Variants in PSMA1 observed in about 807,000 individuals in gnomAD.
The protein encoded by PSMA1 is proteasome 20S subunit alpha 1.
Under a neutral mutation model 38.4 loss-of-function variants are expected in PSMA1, and 3 were observed. That is an observed-to-expected ratio of 0.08 (90% CI 0.04 to 0.20). The LOEUF (loss-of-function observed/expected upper bound fraction) is 0.20. Ranked by LOEUF, PSMA1 falls within the 10% of genes least tolerant of loss-of-function variation. The pLI is 1.00. For missense variants in PSMA1, 227 were observed against 325.3 expected (o/e 0.70, Z 2.32); for synonymous variants, 101 against 107.1 (o/e 0.94, Z 0.35).
At chr11:14,532,905 T>TAAAAAAAAAAAA (rs1045512634) in intron 2 of PSMA1, among the ~76,000 whole-genome samples, 2 of 150,524 alleles carry the variant, frequency 1.3e-5, no homozygotes, top group African/African-American at 5.0e-5. Context: ...AAAAAAAATT[T>TAAAAAAAAAAAA]AAAAAAAATC....
intron 2 of PSMA1, among the ~76,000 whole-genome samples, chr11:14,565,212 A>C (rs1852055515): frequency 1.3e-5 from 2 of 152,162 alleles, no homozygotes; most frequent in Admixed American, 6.5e-5. Context: ...ATTATCCTTT[A>C]GATGTCTGCA....
intron 1 of PSMA1, among the ~76,000 whole-genome samples, chr11:14,635,511 T>G (rs1853103467): frequency 6.6e-6 from 1 of 152,220 alleles, no homozygotes; most frequent in Non-Finnish European, 1.5e-5. Flanking sequence ...AAAATACTCT[T>G]GCTTTTGCCT....
chr11:14,519,097 C>G, intron 1 of PSMA1, 56 bp from the exon 2 acceptor site: 2 of 1,345,456 alleles, frequency 1.5e-6, no homozygotes, highest in East Asian at 2.3e-5. Context: ...AATCCCAACT[C>G]TTAACATTCA....
In PSMA1 at chr11:14,600,230, C is replaced by T. The variant is rs529944664; in HGVS notation, c.21+10736G>A. ...GATCCACTTGAGGAGGCAGTCTGTCCGTTCTCAGAGCTCAAACGCTATGCT... is the reference window on the plus strand; with the variant it reads ...GATCCACTTGAGGAGGCAGTCTGTCTGTTCTCAGAGCTCAAACGCTATGCT... On this transcript the variant is annotated intron_variant, in intron 2 of 10. Coordinates refer to the PSMA1 transcript ENST00000418988. Among the ~76,000 whole-genome samples, 37 of 152,254 alleles carry T rather than the reference C, an allele frequency of 2.4e-4. No individual in the cohort carries two copies. In the South Asian group the frequency reaches 6.2e-3, roughly 26 times the overall value.
intron 1 of PSMA1, among the ~76,000 whole-genome samples, chr11:14,617,709 G>C (rs896621890): frequency 6.6e-6 from 1 of 151,180 alleles, no homozygotes; most frequent in Non-Finnish European, 1.5e-5. Context: ...GTGTGTGTGT[G>C]TGTGTGTGTG....
Position 14,527,998 on chromosome 11 carries a change from C to T in PSMA1, c.22-8957G>A, listed in dbSNP as rs180691922. ...CAGCTATCTCCACCACACTATCAAT[C>T]TCAGTCACTCCCTCCTAGCTGTTTC... On this transcript the variant is annotated intron_variant, in intron 2 of 10. Coordinates refer to the PSMA1 transcript ENST00000418988. Among the ~76,000 whole-genome samples, 83 of 152,182 alleles carry T rather than the reference C, an allele frequency of 5.5e-4. 1 individual carries two copies. Among genetic ancestry groups the T allele is most frequent in the African/African-American group, 1.9e-3 (77 of 41,524 alleles).
Position 14,638,217 on chromosome 11 carries a change from G to A in PSMA1, c.-166+5238C>T, listed in dbSNP as rs575173500. Reference sequence around the variant, plus strand: ...TCCTTCCTTCACATCGTGCTACCTGGCCTTTCAAATGAAGTTCCCAGAGCT... The same window carrying A: ...TCCTTCCTTCACATCGTGCTACCTGACCTTTCAAATGAAGTTCCCAGAGCT... On this transcript the variant is annotated intron_variant, in intron 1 of 10. Coordinates refer to the PSMA1 transcript ENST00000418988. Among the ~76,000 whole-genome samples the A allele has an allele frequency of 2.6e-4, 39 of 152,098 alleles. No homozygotes were observed. The South Asian group carries it at 7.7e-3, about 30-fold the overall frequency.
intron 2 of PSMA1, among the ~76,000 whole-genome samples, chr11:14,546,903 C>G (rs995048096): frequency 7.2e-5 from 11 of 152,182 alleles, no homozygotes; most frequent in African/African-American, 2.7e-4. Flanking sequence ...AATTTAGTCA[C>G]TCTTCAATTT....
intron 2 of PSMA1, among the ~76,000 whole-genome samples, chr11:14,576,159 T>G (rs993566183): frequency 1.3e-5 from 2 of 152,152 alleles, no homozygotes; most frequent in African/African-American, 2.4e-5. Flanking sequence ...GTTTAAATTC[T>G]TTGTAGATTC....
intron 2 of PSMA1, among the ~76,000 whole-genome samples, chr11:14,550,260 T>C (rs1053483053): frequency 6.6e-6 from 1 of 152,208 alleles, no homozygotes; most frequent in Non-Finnish European, 1.5e-5. Flanking sequence ...ATTAATACGT[T>C]TCAAAAATAC....
chr11:14,608,720 A>T (rs112967770), intron 2 of PSMA1, among the ~76,000 whole-genome samples: 14 of 147,876 alleles, frequency 9.5e-5, no homozygotes, highest in Admixed American at 8.8e-4. Context: ...ATATAATTAT[A>T]TATAATATAA....
chr11:14,571,578 A>G (rs1282561158), intron 2 of PSMA1, among the ~76,000 whole-genome samples: 1 of 152,234 alleles, frequency 6.6e-6, no homozygotes, highest in Non-Finnish European at 1.5e-5. Flanking sequence ...TGTGAAGACC[A>G]TTGATGCTAG....
chr11:14,519,108 T>C (rs1017546431), intron 1 of PSMA1, 67 bp from the exon 2 acceptor site: 2 of 1,281,722 alleles, frequency 1.6e-6, no homozygotes, highest in Non-Finnish European at 2.3e-6. Flanking sequence ...TTAACATTCA[T>C]TAAGAAATAT....
chr11:14,598,195 T>C (rs1852526488), intron 2 of PSMA1, among the ~76,000 whole-genome samples: 1 of 152,134 alleles, frequency 6.6e-6, no homozygotes, highest in Non-Finnish European at 1.5e-5. Context: ...GGAATAAGTG[T>C]GATTGATGCT....
intron 2 of PSMA1, among the ~76,000 whole-genome samples, chr11:14,546,190 TAG>T (rs890370146): frequency 3.3e-5 from 5 of 150,932 alleles, no homozygotes; most frequent in Admixed American, 3.3e-4. Flanking sequence ...GTGGAAGAGA[TAG>T]AGTTTTTATT....
At chr11:14,580,092 T>G (rs576672048) in intron 2 of PSMA1, among the ~76,000 whole-genome samples, 2 of 152,232 alleles carry the variant, frequency 1.3e-5, no homozygotes, top group African/African-American at 4.8e-5. Flanking sequence ...CTGTTGCTCA[T>G]GTGATCTGTC....
intron 2 of PSMA1, among the ~76,000 whole-genome samples, chr11:14,602,689 A>G (rs1419962507): frequency 6.6e-6 from 1 of 152,176 alleles, no homozygotes; most frequent in Non-Finnish European, 1.5e-5. Context: ...GATGTGCAAG[A>G]CAAGAGGCTG....
At chr11:14,638,537 CTCTCTCTCTATATATATATA>C (rs1164609428) in intron 1 of PSMA1, among the ~76,000 whole-genome samples, 18 of 22,720 alleles carry the variant, frequency 7.9e-4, no homozygotes, top group African/African-American at 2.3e-3. Flanking sequence ...CTCTCTCTCT[CTCTCTCTCTATATATATATA>C]TATATATATA....
At chr11:14,622,579 A>T (rs928007478) in intron 1 of PSMA1, among the ~76,000 whole-genome samples, 1 of 152,374 alleles carries the variant, frequency 6.6e-6, no homozygotes, top group Middle Eastern at 3.4e-3. Flanking sequence ...GGTCATAAAC[A>T]TGACAAGATA....
Sources: gnomAD v4.1 joint callset for allele counts (sites outside exome capture counted in the v4.1 genomes callset) on GRCh38, gnomAD v4.1.1 for gene constraint, MANE v1.5 for transcripts, NCBI Gene and HGNC (gene_info 2026-07-23, HGNC 2026-07-21) for gene names.